The following ENPP6 variants were observed in gnomAD, a reference collection of about 807,000 sequenced individuals.
The protein encoded by ENPP6 is ectonucleotide pyrophosphatase/phosphodiesterase 6.
Under a neutral mutation model 42.0 loss-of-function variants are expected in ENPP6, and 32 were observed. The ratio of observed to expected loss-of-function variants is 0.76; its 90% CI spans 0.58 to 1.02. ENPP6 has a LOEUF of 1.02. Among genes scored for constraint, ENPP6 ranks in the 50% least tolerant of loss-of-function variants. The pLI, the probability that ENPP6 is intolerant of heterozygous loss-of-function variation, is 0.00. For synonymous variants in ENPP6, 213 were observed against 216.0 expected, an observed-to-expected ratio of 0.99 and a Z score of 0.12; for missense variants, 552 against 566.8, an observed-to-expected ratio of 0.97 and a Z score of 0.27.
At chr4:184,091,993 C>A (rs1304279651) in intron 7 of ENPP6, among the ~76,000 whole-genome samples, 3 of 152,196 alleles carry the variant, frequency 2.0e-5, no homozygotes, top group African/African-American at 7.2e-5. Flanking sequence ...GGCTGAAGTG[C>A]CATCTGATGC....
intron 6 of ENPP6, among the ~76,000 whole-genome samples, chr4:184,107,161 G>C (rs1442409434): frequency 6.6e-6 from 1 of 152,190 alleles, no homozygotes; most frequent in Non-Finnish European, 1.5e-5. Context: ...CTGGGGAAGA[G>C]TGTGATCTTC....
chr4:184,148,598 C>T (rs1278766846), intron 2 of ENPP6, among the ~76,000 whole-genome samples: 1 of 152,198 alleles, frequency 6.6e-6, no homozygotes. Context: ...AATTTGCAAT[C>T]CTTTTCTTGC....
intron 2 of ENPP6, among the ~76,000 whole-genome samples, chr4:184,151,903 T>C (rs1018855945): frequency 5.9e-5 from 9 of 152,182 alleles, no homozygotes; most frequent in African/African-American, 2.2e-4. Context: ...CCACGAAAAG[T>C]TATCTCCTTG....
intron 2 of ENPP6, among the ~76,000 whole-genome samples, chr4:184,134,037 T>G (rs1487086100): frequency 6.6e-6 from 1 of 152,164 alleles, no homozygotes. Context: ...AATTTTTCTA[T>G]CTATGTTCAT....
chr4:184,114,402 C>T (rs1736279816), intron 5 of ENPP6, among the ~76,000 whole-genome samples: 1 of 152,180 alleles, frequency 6.6e-6, no homozygotes, highest in Non-Finnish European at 1.5e-5. Context: ...TTGAGTTTAT[C>T]AACTCAACTC....
intron 2 of ENPP6, among the ~76,000 whole-genome samples, chr4:184,131,161 C>G (rs1736608137): frequency 1.9e-5 from 1 of 53,426 alleles, no homozygotes; most frequent in Non-Finnish European, 3.8e-5. Context: ...TTCTTTCTTT[C>G]TTTCTTTCTT....
chr4:184,139,368 T>TA (rs1450619384), intron 2 of ENPP6, among the ~76,000 whole-genome samples: 2 of 151,958 alleles, frequency 1.3e-5, no homozygotes, highest in African/African-American at 4.8e-5. Context: ...AATTTATTAT[T>TA]ATTATACTTT....
At chr4:184,203,402 C>A (rs536761750) in intron 1 of ENPP6, among the ~76,000 whole-genome samples, 29 of 152,160 alleles carry the variant, frequency 1.9e-4, no homozygotes, top group Non-Finnish European at 3.2e-4. Flanking sequence ...CTTGTGGCCC[C>A]CAAGAAGATA....
intron 1 of ENPP6, among the ~76,000 whole-genome samples, chr4:184,170,546 T>C (rs1405139103): frequency 6.6e-6 from 1 of 152,202 alleles, no homozygotes; most frequent in Non-Finnish European, 1.5e-5. Flanking sequence ...ATTTTATTAA[T>C]TCTTGTCTAT....
rs1560982025 is a variant in ENPP6, at chr4:184,113,965, C to CTTTCTTTCTTTCTT, written c.856-1157_856-1156insAAGAAAGAAAGAAA. On this transcript the variant is annotated intron_variant, in intron 5 of 7. Transcript: ENST00000296741. The stretch of plus-strand genomic sequence containing the variant: ...TTTCTTTCTTTCTTTCTTTCTTTCT[C>CTTTCTTTCTTTCTT]TCTTTCTTTCTTTCTTTTTGATGGA... Among the ~76,000 whole-genome samples, 145 of 36,508 alleles carry CTTTCTTTCTTTCTT rather than the reference C, an allele frequency of 4.0e-3. 1 individual carries two copies. The highest frequency in any genetic ancestry group is 6.8e-3 in the Non-Finnish European group (111 of 16,264). 24.0% of individuals were successfully genotyped at this position (36,508 alleles called of 152,430 possible). A position where few individuals can be genotyped will look rare whatever the true frequency, so the allele number is the denominator to read the frequency against.
At chr4:184,215,173 C>T (rs185776779) in intron 1 of ENPP6, among the ~76,000 whole-genome samples, 3 of 152,254 alleles carry the variant, frequency 2.0e-5, no homozygotes, top group Admixed American at 6.5e-5. Flanking sequence ...CATCACTCCT[C>T]GTTATGCAAA....
chr4:184,106,835 C>T (rs1384531274), intron 6 of ENPP6, among the ~76,000 whole-genome samples: 8 of 152,220 alleles, frequency 5.3e-5, no homozygotes, highest in Non-Finnish European at 4.4e-5. Context: ...CGTTGGCCGT[C>T]GCTGTAGTCG....
At chr4:184,208,667 G>A (rs1273028160) in intron 1 of ENPP6, among the ~76,000 whole-genome samples, 25 of 149,234 alleles carry the variant, frequency 1.7e-4, no homozygotes, top group Admixed American at 1.1e-3. Flanking sequence ...TGGGGGAGGG[G>A]CGCCCGCCAT....
intron 7 of ENPP6, among the ~76,000 whole-genome samples, chr4:184,095,149 C>A (rs187521905): frequency 1.5e-3 from 224 of 152,316 alleles, no homozygotes; most frequent in African/African-American, 5.0e-3. Flanking sequence ...CTGTATCTGC[C>A]TGGAAACATT....
intron 5 of ENPP6, 142 bp from the exon 6 acceptor site, chr4:184,112,951 A>G: frequency 9.8e-7 from 1 of 1,023,946 alleles, no homozygotes; most frequent in African/African-American, 1.6e-5. Flanking sequence ...ATATGTAAAA[A>G]CAAAAAACTT....
Position 184,184,250 on chromosome 4 carries a change from A to T in ENPP6, c.242-30517T>A, listed in dbSNP as rs1452915796. ...CAAGAGCTTTAAGTTTGGAATGATT[A>T]TATTTAGAATAAAAGACAAGCTTTA... On this transcript the variant is annotated intron_variant, in intron 1 of 7. Coordinates refer to ENST00000296741, the MANE Select transcript of ENPP6 (RefSeq NM_153343.4). The surrounding 1 kb of genome is among the most constrained non-coding windows in gnomAD (Gnocchi z 4.7). 6.6e-6 allele frequency among the ~76,000 whole-genome samples: 1 copy of T among 152,256 alleles called. No individual in the cohort carries two copies. Among genetic ancestry groups the T allele is most frequent in the Non-Finnish European group, 1.5e-5 (1 of 68,048 alleles).
rs1399810133 is a variant in ENPP6 at position 184,097,387 on chromosome 4, G to A, written c.994-19C>T. Reference sequence around the variant, plus strand: ...CTCGATTCTGAAACCAAGCAAGGCAGACACATGACACTACGTCCTGACCGT... The same window carrying A: ...CTCGATTCTGAAACCAAGCAAGGCAAACACATGACACTACGTCCTGACCGT... On this transcript the variant is annotated intron_variant, in intron 6 of 7. Coordinates refer to ENST00000296741, the MANE Select transcript of ENPP6 (RefSeq NM_153343.4). 8.1e-6 allele frequency: 13 copies of A among 1,613,546 alleles called. No individual in the cohort carries two copies. The highest frequency in any genetic ancestry group is 1.1e-5 in the Non-Finnish European group (13 of 1,179,878).
Position 184,117,880 on chromosome 4 carries a change from GC to G in ENPP6, c.553del (p.Ala185GlnfsTer29). The G allele has an allele frequency of 1.2e-6, 2 of 1,614,186 alleles. No individual in the cohort carries two copies. Among genetic ancestry groups the G allele is most frequent in the South Asian group, 2.2e-5 (2 of 91,080 alleles). ...DSFKSGRADL[A>X]AIYHERIDVE... ...GTCAATGCGCTCATGGTATATGGCTGCCAGGTCGGCCCGGCCACTCCTGGAG... is the reference window on the plus strand; with the variant it reads ...GTCAATGCGCTCATGGTATATGGCTGCAGGTCGGCCCGGCCACTCCTGGAG... On this transcript the variant is annotated frameshift_variant, in exon 4 of 8. Transcript: ENST00000296741. LOFTEE classifies it high-confidence loss of function.
chr4:184,171,227 T>C (rs572138828), intron 1 of ENPP6, among the ~76,000 whole-genome samples: 35 of 152,360 alleles, frequency 2.3e-4, no homozygotes, highest in Non-Finnish European at 4.1e-4. Context: ...TGCTGGCTGC[T>C]GGCTGAGACC....
Sources: allele counts gnomAD v4.1 joint callset (sites outside exome capture counted in the v4.1 genomes callset), GRCh38; gene constraint gnomAD v4.1.1; non-coding constraint Gnocchi (gnomAD v3.1); transcripts MANE v1.5; gene names NCBI Gene and HGNC (gene_info 2026-07-23, HGNC 2026-07-21).